Variants in GMCL1 observed in about 807,000 individuals in gnomAD.
The protein encoded by GMCL1 is germ cell-less protein-like 1.
In GMCL1, 54 loss-of-function variants were observed where a neutral mutation model predicts 75.5. The observed-to-expected ratio is 0.71, with a 90% CI of 0.57 to 0.90. GMCL1 has a LOEUF of 0.90. Ranked by LOEUF, GMCL1 falls within the 40% of genes least tolerant of loss-of-function variation. The pLI is 0.00. For missense variants in GMCL1, 537 were observed against 622.7 expected (o/e 0.86, Z 1.47); for synonymous variants, 210 against 209.6 (o/e 1.00, Z -0.02).
At chr2:69,831,416 G>A (rs185738085) in intron 1 of GMCL1, among the ~76,000 whole-genome samples, 280 of 152,036 alleles carry the variant, frequency 1.8e-3, no homozygotes, top group African/African-American at 6.2e-3. Context: ...TTTTTTAATT[G>A]TTTGTTTGAT....
At chr2:69,846,902 C>A (rs1181564426) in intron 6 of GMCL1, among the ~76,000 whole-genome samples, 2 of 151,680 alleles carry the variant, frequency 1.3e-5, no homozygotes, top group Admixed American at 1.3e-4. Context: ...AGTCTTGGCT[C>A]ACTGCAGCCT....
Position 69,830,091 on chromosome 2 carries a change from G to A in GMCL1, c.199G>A (p.Glu67Lys). 6.3e-7 allele frequency: 1 copy of A among 1,578,206 alleles called. No individual in the cohort carries two copies. The highest frequency in any genetic ancestry group is 8.6e-7 in the Non-Finnish European group (1 of 1,161,502). The stretch of plus-strand genomic sequence containing the variant: ...CTTCTGCTACTGTCACCCTGACTCG[G>A]AGACGGACGAGGATGAGGAGGAGGG... Reference protein sequence around the residue: ...GSFCYCHPDSETDEDEEEGDE... With the variant: ...GSFCYCHPDSKTDEDEEEGDE... Residue 67 changes from glutamate to lysine, a missense_variant, in exon 1 of 14, where the codon GAG (glutamate) becomes AAG (lysine). By Grantham distance (56) the Glu-to-Lys change is moderately conservative. Around this residue, in one of 3 missense-constraint regions of GMCL1, gnomAD observed 144 missense variants for 127.2 expected, o/e 1.13. Coordinates refer to ENST00000282570, the MANE Select transcript of GMCL1 (RefSeq NM_178439.5).
chr2:69,878,029 G>C (rs934627545), intron 13 of GMCL1, among the ~76,000 whole-genome samples: 1 of 152,130 alleles, frequency 6.6e-6, no homozygotes, highest in African/African-American at 2.4e-5. Context: ...TCTGAGGATT[G>C]ATTCTATTTA....
chr2:69,830,663 T>C (rs1674645894), intron 1 of GMCL1, among the ~76,000 whole-genome samples: 1 of 152,160 alleles, frequency 6.6e-6, no homozygotes, highest in African/African-American at 2.4e-5. Context: ...CATTTGTTCC[T>C]AACTAGGAAC....
In GMCL1 at chr2:69,881,117, A is replaced by G. The variant is rs1397770476; in HGVS notation, c.*2113A>G. ...TTCACTTACATAAGTTAACTGGCCA[A>G]ATTGGATTTATATGTGGTTTCATCC... On this transcript the variant is annotated 3_prime_UTR_variant, in exon 14 of 14. Coordinates refer to ENST00000282570, the MANE Select transcript of GMCL1 (RefSeq NM_178439.5). 6.6e-6 allele frequency: 1 copy of G among 152,210 alleles called. No individual in the cohort carries two copies. Among genetic ancestry groups the G allele is most frequent in the Non-Finnish European group, 1.5e-5 (1 of 68,032 alleles). The allele number at this position is 152,210 out of a possible 1,614,324, so 9.4% of individuals were successfully genotyped here. A position where few individuals can be genotyped will look rare whatever the true frequency, so the allele number is the denominator to read the frequency against.
At chr2:69,861,369 AT>A in intron 10 of GMCL1, 22 bp downstream of exon 10, 3 of 1,482,134 alleles carry the variant, frequency 2.0e-6, no homozygotes, top group South Asian at 1.3e-5. Flanking sequence ...ATACCTTATC[AT>A]TTTTCATTAA....
chr2:69,830,328 TG>T (rs1368957551), intron 1 of GMCL1, among the ~76,000 whole-genome samples, 176 bp downstream of exon 1: 3 of 152,168 alleles, frequency 2.0e-5, no homozygotes, highest in Non-Finnish European at 4.4e-5. Flanking sequence ...GGGAGCGCCT[TG>T]GGAGACGCCA....
At chr2:69,839,826 A>G (rs1379146337) in intron 3 of GMCL1, among the ~76,000 whole-genome samples, 1 of 141,572 alleles carries the variant, frequency 7.1e-6, no homozygotes, top group African/African-American at 2.8e-5. Context: ...GAGGAAGGAA[A>G]AGTATGACCA....
chr2:69,836,533 T>C (rs1045876043), intron 1 of GMCL1, among the ~76,000 whole-genome samples: 45 of 152,306 alleles, frequency 3.0e-4, no homozygotes, highest in African/African-American at 9.9e-4. Context: ...CTAAGACATG[T>C]GCTGTTTTTA....
chr2:69,869,907 A>G (rs781042257), intron 12 of GMCL1, 43 bp downstream of exon 12: 1 of 1,579,440 alleles, frequency 6.3e-7, no homozygotes, highest in Non-Finnish European at 8.6e-7. Flanking sequence ...CACTCCAGAG[A>G]AAATATAAGA....
At chr2:69,862,921 T>C (rs1207442122) in intron 10 of GMCL1, among the ~76,000 whole-genome samples, 2 of 152,252 alleles carry the variant, frequency 1.3e-5, no homozygotes, top group Non-Finnish European at 2.9e-5. Flanking sequence ...AAGTAACTTA[T>C]AAATCATCCT....
At chr2:69,853,611 G>A (rs1252600359) in intron 8 of GMCL1, among the ~76,000 whole-genome samples, 1 of 151,836 alleles carries the variant, frequency 6.6e-6, no homozygotes, top group Non-Finnish European at 1.5e-5. Flanking sequence ...TACTCTCCTG[G>A]GTATATGTCG....
intron 6 of GMCL1, among the ~76,000 whole-genome samples, chr2:69,846,598 C>T (rs987633734): frequency 6.6e-6 from 1 of 152,098 alleles, no homozygotes; most frequent in Non-Finnish European, 1.5e-5. Flanking sequence ...GGAGCAGGAT[C>T]CTCTTAAAAA....
chr2:69,854,967 G>T lies in GMCL1; in HGVS notation c.1072+7G>T, dbSNP rs780960635. ...GATGCTGTAGTACCTTCAGGTAAGA[G>T]AACATAATTTGTAATTTTAAGTAAT... On this transcript the variant is annotated splice_region_variant and intron_variant, in intron 9 of 13. Coordinates refer to ENST00000282570, the MANE Select transcript of GMCL1 (RefSeq NM_178439.5). 11 of 1,577,030 alleles carry T rather than the reference G, an allele frequency of 7.0e-6. No individual in the cohort carries two copies. The highest frequency in any genetic ancestry group is 9.5e-6 in the Non-Finnish European group (11 of 1,160,588).
intron 8 of GMCL1, among the ~76,000 whole-genome samples, chr2:69,853,232 A>G (rs1204886738): frequency 1.3e-5 from 2 of 152,192 alleles, no homozygotes; most frequent in South Asian, 4.1e-4. Context: ...TTAATTCAAC[A>G]TATGAACTGG....
In GMCL1 at chr2:69,880,241, A is replaced by G. The variant is rs943675080; in HGVS notation, c.*1237A>G. The G allele has an allele frequency of 6.6e-6, 1 of 152,188 alleles. No individual in the cohort carries two copies. Among genetic ancestry groups the G allele is most frequent in the African/African-American group, 2.4e-5 (1 of 41,458 alleles). 9.4% of individuals were successfully genotyped at this position (152,188 alleles called of 1,614,324 possible). A position where few individuals can be genotyped will look rare whatever the true frequency, so the allele number is the denominator to read the frequency against. On this transcript the variant is annotated 3_prime_UTR_variant, in exon 14 of 14. Transcript: ENST00000282570. ...TTTTATGTATCTGTGCAAATAATAA[A>G]TGCCCATTTGGAAAAAGAGTAAGCT...
At chr2:69,842,198 A>G (rs566646994) in intron 4 of GMCL1, among the ~76,000 whole-genome samples, 14 of 152,336 alleles carry the variant, frequency 9.2e-5, no homozygotes, top group Non-Finnish European at 1.3e-4. Context: ...AGAGAGATTC[A>G]GGGATAATCC....
rs377228280 is a variant in GMCL1, at chr2:69,871,461, T to C, written c.1365-284T>C. 7.5e-4 allele frequency among the ~76,000 whole-genome samples: 114 copies of C among 152,302 alleles called. 2 individuals carry two copies. The highest frequency in any genetic ancestry group is 2.8e-4 in the Non-Finnish European group (19 of 68,012). On this transcript the variant is annotated intron_variant, in intron 12 of 13. Transcript: ENST00000282570. ...ATGGGTGCAGAACAATGTGGAAATA[T>C]ATTTAATGCCACAGAACTATATACT...
At chr2:69,839,576 T>C (rs1475515241) in intron 3 of GMCL1, 23 bp downstream of exon 3, 1 of 1,281,926 alleles carries the variant, frequency 7.8e-7, no homozygotes, top group East Asian at 2.3e-5. Flanking sequence ...ATAATTACTA[T>C]TATGCAACAA....
Sources: allele counts gnomAD v4.1 joint callset (sites outside exome capture counted in the v4.1 genomes callset), GRCh38; gene constraint gnomAD v4.1.1; regional missense constraint gnomAD v4.1.1; transcripts MANE v1.5; gene names NCBI Gene and HGNC (gene_info 2026-07-23, HGNC 2026-07-21).